FER: variants seen among roughly 807,000 people sequenced by gnomAD.
FER encodes the protein FER tyrosine kinase.
A neutral mutation model predicts 111.0 loss-of-function variants in FER; 63 were observed. The ratio of observed to expected loss-of-function variants is 0.57; its 90% CI spans 0.46 to 0.70. The LOEUF (loss-of-function observed/expected upper bound fraction) is 0.70. Among genes scored for constraint, FER ranks in the 30% least tolerant of loss-of-function variants. The pLI is 0.00. For missense variants in FER, 914 were observed against 954.0 expected, an observed-to-expected ratio of 0.96 and a Z score of 0.55; for synonymous variants, 327 against 313.9, an observed-to-expected ratio of 1.04 and a Z score of -0.44.
intron 13 of FER, among the ~76,000 whole-genome samples, chr5:109,017,157 A>C (rs1378073542): frequency 1.3e-5 from 2 of 151,992 alleles, no homozygotes; most frequent in African/African-American, 4.8e-5. Context: ...CAGGCTTTTT[A>C]CTGAAATGAG....
Position 109,066,790 on chromosome 5 carries a change from G to A in FER, c.1924+19592G>A, listed in dbSNP as rs144421095. 3.3e-5 allele frequency among the ~76,000 whole-genome samples: 5 copies of A among 152,132 alleles called. No homozygotes were observed. In the East Asian group the frequency reaches 9.6e-4, roughly 29 times the overall value. ...AGCTTTGTTCCATACAAAATACGCT[G>A]GTGAAAAATACATCAGTGATCTCTT... On this transcript the variant is annotated intron_variant, in intron 16 of 19. Transcript: ENST00000281092.
chr5:108,797,825 A>G (rs796549618), intron 2 of FER, among the ~76,000 whole-genome samples: 7 of 152,326 alleles, frequency 4.6e-5, no homozygotes, highest in African/African-American at 1.7e-4. Flanking sequence ...GTTGCATTAC[A>G]TAGGATTTTC....
At chr5:108,903,582 A>C (rs1457467591) in intron 10 of FER, among the ~76,000 whole-genome samples, 1 of 152,206 alleles carries the variant, frequency 6.6e-6, no homozygotes, top group African/African-American at 2.4e-5. Context: ...GAGGAAATGA[A>C]TATATACCTC....
chr5:109,028,568 C>G (rs1581711628), intron 13 of FER, among the ~76,000 whole-genome samples: 1 of 152,132 alleles, frequency 6.6e-6, no homozygotes, highest in East Asian at 1.9e-4. Context: ...TTGTTTCTGC[C>G]ATTTGCTGTC....
At chr5:108,788,631 T>C (rs1561420290) in intron 2 of FER, among the ~76,000 whole-genome samples, 1 of 152,160 alleles carries the variant, frequency 6.6e-6, no homozygotes, top group Non-Finnish European at 1.5e-5. Flanking sequence ...TTCTCCTCCT[T>C]TCAGTCTTGG....
At chr5:108,838,044 G>A (rs190117093) in intron 5 of FER, among the ~76,000 whole-genome samples, 7 of 152,084 alleles carry the variant, frequency 4.6e-5, no homozygotes, top group Admixed American at 4.6e-4. Flanking sequence ...TGAGAGATAG[G>A]TAAACTTTTC....
chr5:109,065,875 C>A (rs952292659), intron 16 of FER, among the ~76,000 whole-genome samples: 1 of 152,084 alleles, frequency 6.6e-6, no homozygotes, highest in East Asian at 1.9e-4. Flanking sequence ...TGATTGAGAG[C>A]CTAATAAATG....
intron 4 of FER, among the ~76,000 whole-genome samples, 177 bp downstream of exon 4, chr5:108,833,120 T>C (rs112998415): frequency 1.3e-5 from 2 of 152,202 alleles, no homozygotes; most frequent in South Asian, 4.1e-4. Flanking sequence ...GGATATACTG[T>C]GACTGTATAT....
rs565395627 is a variant in FER at position 108,850,941 on chromosome 5, G to A, written c.481+15134G>A. Reference sequence around the variant, plus strand: ...TGTTGGTTTTGCTTCTTCCTATGAAGAACATGAATTAAATTAAACTCTGTT... The same window carrying A: ...TGTTGGTTTTGCTTCTTCCTATGAAAAACATGAATTAAATTAAACTCTGTT... On this transcript the variant is annotated intron_variant, in intron 5 of 19. Transcript: ENST00000281092. Among the ~76,000 whole-genome samples, 3 of 152,210 alleles carry A rather than the reference G, an allele frequency of 2.0e-5. No individual in the cohort carries two copies. The South Asian group carries it at 6.2e-4, about 32-fold the overall frequency.
At position 108,773,417 on chromosome 5, in the gene FER, G is replaced by A. The variant is rs149901256; in HGVS notation, c.-60+5179G>A. On this transcript the variant is annotated intron_variant, in intron 2 of 19. Coordinates refer to ENST00000281092, the MANE Select transcript of FER (RefSeq NM_005246.4). ...TGTGTCCATGTGTTCTCATTGTTCA[G>A]CTCCCACTTAGGAGTAAGAACATGT... 5.9e-3 allele frequency among the ~76,000 whole-genome samples: 892 copies of A among 151,988 alleles called. 13 individuals carry two copies. The highest frequency in any genetic ancestry group is 0.021 in the African/African-American group (858 of 41,472).
rs140487667 is a variant in FER at position 108,866,229 on chromosome 5, T to C, written c.482-1538T>C. 6.8e-3 allele frequency among the ~76,000 whole-genome samples: 1,032 copies of C among 152,246 alleles called. 13 individuals carry two copies. Among genetic ancestry groups the C allele is most frequent in the African/African-American group, 0.023 (970 of 41,526 alleles). On this transcript the variant is annotated intron_variant, in intron 5 of 19. Transcript: ENST00000281092. ...GACTGGATTAAGAAAATATGGCACA[T>C]ATACACCATGGAATACTATGCAGCC...
chr5:108,963,784 T>G (rs2149678611), intron 13 of FER, among the ~76,000 whole-genome samples: 1 of 152,256 alleles, frequency 6.6e-6, no homozygotes, highest in Non-Finnish European at 1.5e-5. Flanking sequence ...GGCAGCAACA[T>G]TCATGATTAT....
intron 3 of FER, among the ~76,000 whole-genome samples, chr5:108,823,128 A>G (rs1759079757): frequency 6.6e-6 from 1 of 152,198 alleles, no homozygotes; most frequent in Admixed American, 6.5e-5. Flanking sequence ...TGGCCTCCCA[A>G]AGTCCTGGGA....
intron 10 of FER, among the ~76,000 whole-genome samples, chr5:108,915,299 C>G (rs1752118066): frequency 6.6e-6 from 1 of 152,054 alleles, no homozygotes; most frequent in Non-Finnish European, 1.5e-5. Flanking sequence ...GTGGTGAAAT[C>G]CCGTCTCTAC....
chr5:108,893,510 A>G (rs965144086), intron 9 of FER, among the ~76,000 whole-genome samples: 23 of 152,068 alleles, frequency 1.5e-4, no homozygotes, highest in Non-Finnish European at 4.4e-5. Flanking sequence ...TCCTAGAAGT[A>G]GGAGGTCTTG....
intron 13 of FER, among the ~76,000 whole-genome samples, chr5:108,969,947 T>C (rs1760410102): frequency 6.8e-6 from 1 of 148,144 alleles, no homozygotes; most frequent in Non-Finnish European, 1.5e-5. Flanking sequence ...CGTTTTTCAT[T>C]GAACATGTTA....
chr5:109,039,404 T>C (rs114281743), intron 14 of FER, among the ~76,000 whole-genome samples: 1 of 152,218 alleles, frequency 6.6e-6, no homozygotes, highest in African/African-American at 2.4e-5. Context: ...CAGAAATCCT[T>C]TCTCTTACGG....
chr5:109,157,142 C>A (rs888889023), intron 17 of FER, among the ~76,000 whole-genome samples: 28 of 151,956 alleles, frequency 1.8e-4, no homozygotes, highest in African/African-American at 5.1e-4. Context: ...TGGTATAGCC[C>A]CTTACTCTCT....
chr5:109,187,873 C>T lies in FER; in HGVS notation c.*298C>T. On this transcript the variant is annotated 3_prime_UTR_variant, in exon 20 of 20. Coordinates refer to ENST00000281092, the MANE Select transcript of FER (RefSeq NM_005246.4). ...AGTGTGTGAAGGATAAAAGATCTAT[C>T]CTATCCTTTTCACACCTTGTTTCTA... 2.8e-6 allele frequency: 1 copy of T among 357,288 alleles called. No homozygotes were observed. The highest frequency in any genetic ancestry group is 5.1e-6 in the Non-Finnish European group (1 of 194,972). 22.1% of individuals were successfully genotyped at this position (357,288 alleles called of 1,614,324 possible).
Sources: gnomAD v4.1 joint callset for allele counts (sites outside exome capture counted in the v4.1 genomes callset) on GRCh38, gnomAD v4.1.1 for gene constraint, MANE v1.5 for transcripts, NCBI Gene and HGNC (gene_info 2026-07-23, HGNC 2026-07-21) for gene names.